The following MTCL1 variants were observed in gnomAD, a reference collection of about 807,000 sequenced individuals.
The protein encoded by MTCL1 is microtubule crosslinking factor 1.
Under a neutral mutation model 141.4 loss-of-function variants are expected in MTCL1, and 79 were observed. The ratio of observed to expected loss-of-function variants is 0.56; its 90% CI spans 0.47 to 0.67. The LOEUF is 0.67. Ranked by LOEUF, MTCL1 falls within the 30% of genes least tolerant of loss-of-function variation. MTCL1 has a pLI of 0.00. For missense variants in MTCL1, 2,177 were observed against 2,113.9 expected (o/e 1.03, Z -0.59); for synonymous variants, 914 against 875.8 (o/e 1.04, Z -0.77).
chr18:8,719,318 A>G (rs1386860988), intron 3 of MTCL1, among the ~76,000 whole-genome samples: 1 of 152,222 alleles, frequency 6.6e-6, no homozygotes, highest in African/African-American at 2.4e-5. Flanking sequence ...AATCTCATCT[A>G]GCCTTTCAGT....
At chr18:8,791,022 A>G (rs1002346176) in intron 7 of MTCL1, among the ~76,000 whole-genome samples, 1 of 152,110 alleles carries the variant, frequency 6.6e-6, no homozygotes. Context: ...CTCAAAAAAC[A>G]AGCAAACAAA....
At chr18:8,707,411 C>T (rs2096064185) in intron 1 of MTCL1, 1 of 152,580 alleles carries the variant, frequency 6.6e-6, no homozygotes, top group Admixed American at 6.5e-5. Flanking sequence ...TAAGGAATCG[C>T]GGCGCCTGCT....
intron 11 of MTCL1, among the ~76,000 whole-genome samples, chr18:8,812,266 G>T (rs770144030): frequency 2.6e-5 from 4 of 152,094 alleles, no homozygotes; most frequent in Non-Finnish European, 4.4e-5. Context: ...GTACAGGTCT[G>T]TTGGCAATGG....
intron 11 of MTCL1, among the ~76,000 whole-genome samples, chr18:8,808,374 C>T (rs1232205032): frequency 1.3e-5 from 2 of 152,158 alleles, no homozygotes; most frequent in South Asian, 2.1e-4. Flanking sequence ...GTGTAATCTT[C>T]GATGCAAGCC....
At chr18:8,819,618 T>C (rs1359283708) in intron 13 of MTCL1, among the ~76,000 whole-genome samples, 1 of 152,166 alleles carries the variant, frequency 6.6e-6, no homozygotes, top group East Asian at 1.9e-4. Flanking sequence ...TTTGATTTTT[T>C]TGGAGATGGA....
intron 14 of MTCL1, among the ~76,000 whole-genome samples, chr18:8,823,744 A>G (rs890218623): frequency 4.6e-5 from 7 of 152,230 alleles, no homozygotes; most frequent in African/African-American, 1.7e-4. Context: ...CTTGCCCCCA[A>G]GGTGAAGCCA....
At chr18:8,709,222 T>C (rs1414249119) in intron 1 of MTCL1, among the ~76,000 whole-genome samples, 2 of 152,032 alleles carry the variant, frequency 1.3e-5, no homozygotes, top group African/African-American at 4.8e-5. Flanking sequence ...AGGGATGGTC[T>C]TGCTCCGTGG....
intron 10 of MTCL1, chr18:8,801,753 G>A (rs1276734069): frequency 6.6e-6 from 1 of 152,140 alleles, no homozygotes; most frequent in Non-Finnish European, 1.5e-5. Flanking sequence ...TAAGCCTTTG[G>A]GCTGATAACT....
At chr18:8,781,179 CAAAAAAAAAA>C (rs56370900) in intron 5 of MTCL1, among the ~76,000 whole-genome samples, 13 of 67,400 alleles carry the variant, frequency 1.9e-4, no homozygotes, top group Admixed American at 6.6e-4. Flanking sequence ...GACTCCATCT[CAAAAAAAAAA>C]AAAAAAAAAA....
chr18:8,738,780 A>G (rs979674733), intron 4 of MTCL1, among the ~76,000 whole-genome samples: 5 of 152,222 alleles, frequency 3.3e-5, no homozygotes, highest in African/African-American at 1.2e-4. Flanking sequence ...TCCACTCTGC[A>G]GCATCTATGA....
At chr18:8,717,680 G>A (rs1157368926) in intron 1 of MTCL1, 1 of 155,592 alleles carries the variant, frequency 6.4e-6, no homozygotes, top group East Asian at 1.9e-4. Flanking sequence ...GCCTGGACCA[G>A]GGTGATCCAT....
chr18:8,710,661 T>C (rs1337305225), intron 1 of MTCL1, among the ~76,000 whole-genome samples: 1 of 151,376 alleles, frequency 6.6e-6, no homozygotes, highest in Non-Finnish European at 1.5e-5. Flanking sequence ...TTGGAATCCC[T>C]TTTACCAAAG....
At chr18:8,825,713 C>T in exon 15 of MTCL1, 3 of 1,614,122 alleles carry the variant, frequency 1.9e-6, no homozygotes, top group South Asian at 1.1e-5. Context: ...AGCCCCTCCC[C>T]AAAGCCGACC....
At chr18:8,799,260 G>A (rs753124926) in intron 10 of MTCL1, among the ~76,000 whole-genome samples, 20 of 152,202 alleles carry the variant, frequency 1.3e-4, no homozygotes, top group African/African-American at 3.9e-4. Context: ...GCACGCTGTC[G>A]CCAGAGCCCT....
chr18:8,803,193 G>T (rs961960476), intron 10 of MTCL1, among the ~76,000 whole-genome samples: 12 of 151,466 alleles, frequency 7.9e-5, no homozygotes, highest in African/African-American at 2.9e-4. Flanking sequence ...AAAGAAAAAG[G>T]CTTGGCAGGG....
At chr18:8,770,137 G>C (rs2096478978) in intron 4 of MTCL1, among the ~76,000 whole-genome samples, 1 of 152,222 alleles carries the variant, frequency 6.6e-6, no homozygotes, top group Non-Finnish European at 1.5e-5. Context: ...TCTGAGGGCT[G>C]TGACCTTGAA....
chr18:8,721,535 C>G (rs2096172647), intron 4 of MTCL1, among the ~76,000 whole-genome samples: 1 of 152,192 alleles, frequency 6.6e-6, no homozygotes, highest in Admixed American at 6.5e-5. Flanking sequence ...GGCCTCCCTG[C>G]TCTTCCCATG....
chr18:8,786,119 CCCG>C, intron 7 of MTCL1, 28 bp downstream of exon 6: 1 of 1,428,830 alleles, frequency 7.0e-7, no homozygotes, highest in East Asian at 2.6e-5. Context: ...ATCCCCCCCC[CCCG>C]CCCTCCCCCT....
intron 3 of MTCL1, 97 bp downstream of exon 2, chr18:8,718,745 C>T (rs1358547944): frequency 2.7e-6 from 3 of 1,093,422 alleles, no homozygotes; most frequent in African/African-American, 1.5e-5. Flanking sequence ...TTGTGTCTGT[C>T]TCTACAGATT....
Sources: gnomAD v4.1 joint callset for allele counts (sites outside exome capture counted in the v4.1 genomes callset) on GRCh38, gnomAD v4.1.1 for gene constraint, MANE v1.5 for transcripts, NCBI Gene and HGNC (gene_info 2026-07-23, HGNC 2026-07-21) for gene names.